RNF128: variants seen among roughly 807,000 people sequenced by gnomAD.
RNF128 encodes the protein ring finger protein 128.
In RNF128, 13 loss-of-function variants were observed where a neutral mutation model predicts 26.2. The observed-to-expected ratio is 0.50, with a 90% confidence interval of 0.32 to 0.79. The LOEUF is 0.79. Ranked by LOEUF, RNF128 falls within the 30% of genes least tolerant of loss-of-function variation. RNF128 has a pLI of 0.03. For synonymous variants in RNF128, 149 were observed against 142.5 expected (o/e 1.05, Z -0.32); for missense variants, 315 against 349.7 (o/e 0.90, Z 0.79).
intron 1 of RNF128, among the ~76,000 whole-genome samples, chrX:106,729,991 C>A (rs1411839497): frequency 9.0e-6 from 1 of 111,519 alleles, no homozygotes; most frequent in Non-Finnish European, 1.9e-5. Flanking sequence ...AAGGGGCCAC[C>A]AAATGTGGAA....
chrX:106,712,133 G>C (rs1386344384), intron 1 of RNF128, among the ~76,000 whole-genome samples: 1 of 112,158 alleles, frequency 8.9e-6, no homozygotes, highest in African/African-American at 3.2e-5. Flanking sequence ...TCAGAGTCAC[G>C]TCTTTATATG....
At chrX:106,714,459 T>C (rs1929180826) in intron 1 of RNF128, among the ~76,000 whole-genome samples, 1 of 111,633 alleles carries the variant, frequency 9.0e-6, no homozygotes, top group Non-Finnish European at 1.9e-5. Context: ...CTTCATCCCT[T>C]TACCCAGTTT....
intron 1 of RNF128, among the ~76,000 whole-genome samples, chrX:106,709,459 C>A (rs1379605709): frequency 1.3e-4 from 15 of 111,810 alleles, no homozygotes; most frequent in African/African-American, 4.9e-4. Flanking sequence ...CTGAACTGTG[C>A]CATTTAAATG....
At chrX:106,695,705 C>A (rs1488619247) in intron 1 of RNF128, among the ~76,000 whole-genome samples, 2 of 111,742 alleles carry the variant, frequency 1.8e-5, no homozygotes, top group South Asian at 3.7e-4. Flanking sequence ...GAAACTAATG[C>A]CATTTTCTGA....
Position 106,726,855 on chromosome X carries a change from T to C in RNF128, c.-59T>C, listed in dbSNP as rs1929405725. The C allele has an allele frequency of 3.6e-6, 4 of 1,114,719 alleles. No individual in the cohort carries two copies. In the Admixed American group the frequency reaches 1.3e-4, roughly 36 times the overall value. 91.9% of individuals were successfully genotyped at this position (1,114,719 alleles called of 1,213,427 possible). A position where few individuals can be genotyped will look rare whatever the true frequency, so the allele number is the denominator to read the frequency against. On this transcript the variant is annotated 5_prime_UTR_variant, in exon 1 of 7. Transcript: ENST00000255499. ...GCGCACCTGCTCAAGACCAGGGTCC[T>C]GCCAAGCGCTAGGAGGGCGCGTGCC...
At chrX:106,719,308 C>A (rs897762139) in intron 1 of RNF128, among the ~76,000 whole-genome samples, 6 of 110,932 alleles carry the variant, frequency 5.4e-5, no homozygotes, top group Non-Finnish European at 7.6e-5. Flanking sequence ...CAACCTCCCC[C>A]ACCCTGGGTT....
chrX:106,733,679 G>A (rs1929539216), intron 1 of RNF128, among the ~76,000 whole-genome samples: 1 of 111,101 alleles, frequency 9.0e-6, no homozygotes, highest in Non-Finnish European at 1.9e-5. Context: ...GCATTGGGGG[G>A]ATTAGTCATT....
At chrX:106,763,993 C>T (rs764378317) in intron 1 of RNF128, among the ~76,000 whole-genome samples, 2 of 102,589 alleles carry the variant, frequency 1.9e-5, no homozygotes, top group Admixed American at 2.0e-4. Context: ...GATGGAGTCT[C>T]GCTCTGTCGC....
At chrX:106,745,339 A>T (rs1219405759) in intron 1 of RNF128, among the ~76,000 whole-genome samples, 1 of 111,764 alleles carries the variant, frequency 8.9e-6, no homozygotes, top group Non-Finnish European at 1.9e-5. Flanking sequence ...CCTCCAAAAG[A>T]TGATCTGTGA....
chrX:106,787,257 C>T (rs1313703163), intron 3 of RNF128, among the ~76,000 whole-genome samples: 3 of 111,333 alleles, frequency 2.7e-5, no homozygotes, highest in Non-Finnish European at 5.7e-5. Flanking sequence ...TACTATTTAG[C>T]AATAAAAGTG....
chrX:106,789,763 A>G (rs944153250), intron 4 of RNF128, among the ~76,000 whole-genome samples: 3 of 109,084 alleles, frequency 2.8e-5, no homozygotes, highest in African/African-American at 9.9e-5. Flanking sequence ...TTAATACAAT[A>G]GTGATGCTCT....
intron 2 of RNF128, among the ~76,000 whole-genome samples, chrX:106,779,239 T>C (rs1402321073): frequency 9.0e-6 from 1 of 111,236 alleles, no homozygotes; most frequent in Admixed American, 9.7e-5. Context: ...TGAAGTATGA[T>C]TGACAAATAA....
intron 1 of RNF128, among the ~76,000 whole-genome samples, chrX:106,766,015 A>G (rs182662004): frequency 9.9e-4 from 109 of 110,576 alleles, no homozygotes; most frequent in Non-Finnish European, 1.6e-3. Context: ...GATGGTTTCT[A>G]GCTTCATCCA....
intron 1 of RNF128, among the ~76,000 whole-genome samples, chrX:106,696,077 C>T (rs999166531): frequency 1.8e-5 from 2 of 111,363 alleles, no homozygotes; most frequent in African/African-American, 6.5e-5. Flanking sequence ...TCAATATATA[C>T]CTCCAATATA....
chrX:106,734,177 C>T (rs1929549748), intron 1 of RNF128, among the ~76,000 whole-genome samples: 1 of 111,259 alleles, frequency 9.0e-6, no homozygotes, highest in Non-Finnish European at 1.9e-5. Context: ...GGGATTGAGC[C>T]TCTCTTTCTT....
intron 4 of RNF128, among the ~76,000 whole-genome samples, chrX:106,789,561 ATAT>A (rs199736838): frequency 0.053 from 3,796 of 71,633 alleles, 77 homozygotes; most frequent in Non-Finnish European, 0.081. Flanking sequence ...ATACTATATA[ATAT>A]TATAATATGT....
chrX:106,779,567 T>A (rs954578855), intron 2 of RNF128, among the ~76,000 whole-genome samples: 2 of 110,473 alleles, frequency 1.8e-5, no homozygotes, highest in Non-Finnish European at 3.8e-5. Flanking sequence ...AAACTTGCAG[T>A]TATACCACAA....
At chrX:106,733,710 A>T (rs1293355945) in intron 1 of RNF128, among the ~76,000 whole-genome samples, 3 of 110,518 alleles carry the variant, frequency 2.7e-5, no homozygotes, top group Non-Finnish European at 5.7e-5. Context: ...TTATTTATTT[A>T]TTTTTTTTGA....
intron 1 of RNF128, among the ~76,000 whole-genome samples, chrX:106,701,962 T>C (rs961101315): frequency 1.8e-5 from 2 of 111,141 alleles, no homozygotes; most frequent in African/African-American, 3.3e-5. Context: ...ATATAACATG[T>C]TACGCCTGGA....
Sources: allele counts gnomAD v4.1 joint callset (sites outside exome capture counted in the v4.1 genomes callset), GRCh38; gene constraint gnomAD v4.1.1; transcripts MANE v1.5; gene names NCBI Gene and HGNC (gene_info 2026-07-23, HGNC 2026-07-21).